Variants in GTF2F2 observed in about 807,000 individuals in gnomAD.
GTF2F2 encodes ATP-dependent helicase GTF2F2.
A neutral mutation model predicts 42.2 loss-of-function variants in GTF2F2; 23 were observed. The ratio of observed to expected loss-of-function variants is 0.55; its 90% CI spans 0.39 to 0.77. The LOEUF is 0.77. Among genes scored for constraint, GTF2F2 ranks in the 30% least tolerant of loss-of-function variants. The pLI is 0.00. For synonymous variants in GTF2F2, 105 were observed against 100.8 expected, an observed-to-expected ratio of 1.04 and a Z score of -0.25; for missense variants, 261 against 287.2, an observed-to-expected ratio of 0.91 and a Z score of 0.66.
At position 45,207,253 on chromosome 13, in the gene GTF2F2, G is replaced by C. The variant is rs1236744696; in HGVS notation, c.305-171G>C. On this transcript the variant is annotated intron_variant, in intron 4 of 7. Coordinates refer to ENST00000340473, the MANE Select transcript of GTF2F2 (RefSeq NM_004128.3). Reference sequence around the variant, plus strand: ...GGAGCCCAGTTTGTTACTAAGCCAAGAATAAGGCTTCTCTCTGTTCTGACC... The same window carrying C: ...GGAGCCCAGTTTGTTACTAAGCCAACAATAAGGCTTCTCTCTGTTCTGACC... 4 of 520,752 alleles carry C rather than the reference G, an allele frequency of 7.7e-6. No individual in the cohort carries two copies. In the East Asian group the frequency reaches 1.2e-4, roughly 15 times the overall value. 32.3% of individuals were successfully genotyped at this position (520,752 alleles called of 1,614,324 possible).
At chr13:45,193,706 G>A in intron 4 of GTF2F2, 1 of 1,310,884 alleles carries the variant, frequency 7.6e-7, no homozygotes, top group Non-Finnish European at 1.1e-6. Flanking sequence ...AGCTGGGCAT[G>A]TTATTTGGGA....
At chr13:45,169,030 C>A (rs9741505) in intron 4 of GTF2F2, among the ~76,000 whole-genome samples, 36,570 of 149,940 alleles carry the variant, frequency 0.24, 5,023 homozygotes, top group African/African-American at 0.36. Flanking sequence ...TGGTTTCACC[C>A]CGTTGCCCAG....
rs368057233 is a variant in GTF2F2 at position 45,270,860 on chromosome 13, A to G, written c.630+3484A>G. ...TCCTTTGAAGATATAAACCATTAAAAACTTTATCTAATTGCTCCCTTTGAA... is the reference window on the plus strand; with the variant it reads ...TCCTTTGAAGATATAAACCATTAAAGACTTTATCTAATTGCTCCCTTTGAA... On this transcript the variant is annotated intron_variant, in intron 7 of 7. Coordinates refer to ENST00000340473, the MANE Select transcript of GTF2F2 (RefSeq NM_004128.3). Among the ~76,000 whole-genome samples the G allele has an allele frequency of 1.2e-4, 19 of 152,292 alleles. No individual in the cohort carries two copies. In the East Asian group the frequency reaches 1.3e-3, roughly 11 times the overall value.
intron 1 of GTF2F2, among the ~76,000 whole-genome samples, chr13:45,125,699 CT>C (rs1868960288): frequency 1.3e-5 from 2 of 152,218 alleles, no homozygotes; most frequent in African/African-American, 4.8e-5. Context: ...TGTCTTTGGT[CT>C]TGTCAGTTCT....
intron 1 of GTF2F2, among the ~76,000 whole-genome samples, chr13:45,129,505 C>T (rs1869225215): frequency 6.6e-6 from 1 of 152,212 alleles, no homozygotes; most frequent in Admixed American, 6.5e-5. Context: ...CCACCATGCC[C>T]AACCCTTCCC....
chr13:45,206,173 G>A (rs1873403907), intron 4 of GTF2F2, among the ~76,000 whole-genome samples: 1 of 151,974 alleles, frequency 6.6e-6, no homozygotes, highest in African/African-American at 2.4e-5. Context: ...GAGATTTGTT[G>A]CATATGTTGC....
chr13:45,184,355 C>T (rs1459076704), intron 4 of GTF2F2, among the ~76,000 whole-genome samples: 4 of 151,514 alleles, frequency 2.6e-5, no homozygotes, highest in African/African-American at 4.9e-5. Flanking sequence ...ACATGGGTGG[C>T]GTTGATTGGT....
intron 5 of GTF2F2, among the ~76,000 whole-genome samples, chr13:45,209,896 C>T (rs1178592865): frequency 6.6e-6 from 1 of 152,126 alleles, no homozygotes; most frequent in Non-Finnish European, 1.5e-5. Flanking sequence ...GTTCTTGACT[C>T]CTCTCACACC....
intron 6 of GTF2F2, among the ~76,000 whole-genome samples, chr13:45,256,279 C>T (rs947969605): frequency 1.3e-5 from 2 of 152,100 alleles, no homozygotes; most frequent in Non-Finnish European, 2.9e-5. Context: ...ATAATAGTAC[C>T]TTACTGATTG....
Position 45,149,805 on chromosome 13 carries a change from G to T in GTF2F2, c.159+17G>T. ...AGGACTGAGGTAAGATTATTTATATGGAAATTTTAGTTAAAACTTGAGACT... is the reference window on the plus strand; with the variant it reads ...AGGACTGAGGTAAGATTATTTATATTGAAATTTTAGTTAAAACTTGAGACT... On this transcript the variant is annotated intron_variant, in intron 3 of 7. Transcript: ENST00000340473. The T allele has an allele frequency of 1.3e-6, 2 of 1,487,534 alleles. No homozygotes were observed. Among genetic ancestry groups the T allele is most frequent in the South Asian group, 1.3e-5 (1 of 74,324 alleles). The allele number at this position is 1,487,534 out of a possible 1,614,324, so 92.1% of individuals were successfully genotyped here.
chr13:45,176,942 T>C (rs1484585901), intron 4 of GTF2F2, among the ~76,000 whole-genome samples: 1 of 152,012 alleles, frequency 6.6e-6, no homozygotes, highest in Non-Finnish European at 1.5e-5. Context: ...CCCGCCACCA[T>C]GCGTAGCTAA....
chr13:45,231,148 C>T (rs1874658803), intron 5 of GTF2F2, among the ~76,000 whole-genome samples: 1 of 151,980 alleles, frequency 6.6e-6, no homozygotes, highest in Non-Finnish European at 1.5e-5. Context: ...CGCTCTGTCA[C>T]CCAGGCTGGA....
chr13:45,147,301 G>C (rs748564409), intron 2 of GTF2F2, among the ~76,000 whole-genome samples: 6 of 152,106 alleles, frequency 3.9e-5, no homozygotes, highest in Non-Finnish European at 4.4e-5. Flanking sequence ...TTTCTATGTG[G>C]GTGTTTGCCT....
intron 4 of GTF2F2, among the ~76,000 whole-genome samples, chr13:45,160,441 C>G (rs1870979653): frequency 6.6e-6 from 1 of 152,174 alleles, no homozygotes; most frequent in African/African-American, 2.4e-5. Context: ...AAACTATTAG[C>G]AAACCTTTTC....
intron 4 of GTF2F2, among the ~76,000 whole-genome samples, chr13:45,188,138 T>C (rs556197870): frequency 6.6e-6 from 1 of 152,184 alleles, no homozygotes; most frequent in Non-Finnish European, 1.5e-5. Flanking sequence ...ACTCCTGACC[T>C]CAAGTGATCC....
intron 6 of GTF2F2, among the ~76,000 whole-genome samples, chr13:45,255,651 C>A (rs1024811199): frequency 2.0e-5 from 3 of 152,202 alleles, no homozygotes; most frequent in Non-Finnish European, 4.4e-5. Context: ...GGAATACACA[C>A]AGTTTTCTGA....
At chr13:45,202,813 C>T (rs1873258300) in intron 4 of GTF2F2, among the ~76,000 whole-genome samples, 1 of 152,004 alleles carries the variant, frequency 6.6e-6, no homozygotes. Context: ...ATTAGCTGGG[C>T]ATGGTGGCGC....
intron 5 of GTF2F2, among the ~76,000 whole-genome samples, chr13:45,246,491 A>G (rs1172023936): frequency 2.6e-5 from 4 of 152,040 alleles, no homozygotes; most frequent in Non-Finnish European, 5.9e-5. Context: ...CTCCTTTACC[A>G]TCACCCTGTT....
At chr13:45,125,092 T>C (rs1049645577) in intron 1 of GTF2F2, among the ~76,000 whole-genome samples, 1 of 152,298 alleles carries the variant, frequency 6.6e-6, no homozygotes, top group African/African-American at 2.4e-5. Context: ...GCCTTGCAGA[T>C]AGTAGGAGAA....
Sources: gnomAD v4.1 joint callset for allele counts (sites outside exome capture counted in the v4.1 genomes callset) on GRCh38, gnomAD v4.1.1 for gene constraint, MANE v1.5 for transcripts, NCBI Gene and HGNC (gene_info 2026-07-23, HGNC 2026-07-21) for gene names.